GULP1: variants seen among roughly 807,000 people sequenced by gnomAD.
GULP1 encodes PTB domain-containing engulfment adapter protein 1.
In GULP1, 19 loss-of-function variants were observed where a neutral mutation model predicts 40.9. The observed-to-expected ratio is 0.46, with a 90% confidence interval of 0.32 to 0.68. The LOEUF is 0.68. Among genes scored for constraint, GULP1 ranks in the 30% least tolerant of loss-of-function variants. GULP1 has a pLI of 0.03. For missense variants in GULP1, 312 were observed against 362.2 expected, an observed-to-expected ratio of 0.86 and a Z score of 1.12; for synonymous variants, 119 against 117.6, an observed-to-expected ratio of 1.01 and a Z score of -0.08.
At chr2:188,375,915 C>A (rs917725645) in intron 1 of GULP1, among the ~76,000 whole-genome samples, 6 of 152,040 alleles carry the variant, frequency 3.9e-5, no homozygotes, top group Non-Finnish European at 1.5e-5. Context: ...GGGCCACCAG[C>A]AGATACCAAA....
intron 4 of GULP1, among the ~76,000 whole-genome samples, chr2:188,506,480 C>T (rs995998351): frequency 6.6e-6 from 1 of 151,856 alleles, no homozygotes; most frequent in Non-Finnish European, 1.5e-5. Context: ...TTTTAGTTCT[C>T]CCACTTGAAT....
chr2:188,578,678 T>C (rs561190347), intron 9 of GULP1, among the ~76,000 whole-genome samples: 1 of 152,144 alleles, frequency 6.6e-6, no homozygotes, highest in South Asian at 2.1e-4. Context: ...TTCCCCTAAG[T>C]ATAATAATTC....
intron 4 of GULP1, among the ~76,000 whole-genome samples, chr2:188,517,142 ATTG>A (rs1402645397): frequency 6.6e-6 from 1 of 152,042 alleles, no homozygotes; most frequent in Non-Finnish European, 1.5e-5. Context: ...AACAGATAAT[ATTG>A]TATGTTTTTA....
chr2:188,540,376 A>T (rs978587141), intron 6 of GULP1, among the ~76,000 whole-genome samples: 2 of 151,778 alleles, frequency 1.3e-5, no homozygotes, highest in African/African-American at 2.4e-5. Context: ...TTTATTTTAT[A>T]TAAATATTTT....
chr2:188,439,183 A>G (rs1245332953), intron 2 of GULP1, among the ~76,000 whole-genome samples: 3 of 152,054 alleles, frequency 2.0e-5, no homozygotes, highest in Admixed American at 1.3e-4. Context: ...AAGTAAATTC[A>G]GAGAAAGTAA....
At chr2:188,473,149 C>T (rs2060728144) in intron 2 of GULP1, among the ~76,000 whole-genome samples, 2 of 146,254 alleles carry the variant, frequency 1.4e-5, no homozygotes, top group Admixed American at 1.3e-4. Flanking sequence ...CAAATGGGGT[C>T]TCTCTTTCTC....
rs900213748 is a variant in GULP1 at position 188,442,930 on chromosome 2, C to T, written c.-44-34729C>T. Among the ~76,000 whole-genome samples the T allele has an allele frequency of 2.0e-5, 3 of 152,050 alleles. No individual in the cohort carries two copies. In the East Asian group the frequency reaches 5.8e-4, roughly 29 times the overall value. On this transcript the variant is annotated intron_variant, in intron 2 of 11. Coordinates refer to ENST00000409830, the MANE Select transcript of GULP1 (RefSeq NM_016315.4). ...AACAGCCTGTCTATCAGCTTTGTAC[C>T]AGAGAGGAGTTATCAAGGAAACAAA...
intron 1 of GULP1, chr2:188,293,251 A>T (rs368033880): frequency 2.6e-4 from 40 of 152,212 alleles, no homozygotes; most frequent in African/African-American, 8.7e-4. Context: ...AGCTCGCCTT[A>T]CTCATTTGCA....
rs536461887 is a variant in GULP1, at chr2:188,585,849, C to G, written c.748+1446C>G. ...AGCTCCTTTTTACTTATGCAAATTT[C>G]TGCAAGAGGCTTGAATTTCTCCTCA... On this transcript the variant is annotated intron_variant, in intron 10 of 11. Transcript: ENST00000409830. 1.1e-3 allele frequency among the ~76,000 whole-genome samples: 171 copies of G among 152,330 alleles called. 1 individual carries two copies. The highest frequency in any genetic ancestry group is 4.0e-3 in the African/African-American group (168 of 41,586).
intron 2 of GULP1, among the ~76,000 whole-genome samples, chr2:188,467,447 A>T (rs1315267610): frequency 6.6e-6 from 1 of 152,006 alleles, no homozygotes; most frequent in South Asian, 2.1e-4. Flanking sequence ...GTTTTTCTCT[A>T]TGGTAATCTC....
chr2:188,515,230 A>C (rs2065053634), intron 4 of GULP1, among the ~76,000 whole-genome samples: 3 of 152,128 alleles, frequency 2.0e-5, no homozygotes, highest in South Asian at 2.1e-4. Context: ...AGGAGTATTA[A>C]TGTCTCACTT....
At chr2:188,534,018 T>A (rs1688261200) in intron 6 of GULP1, among the ~76,000 whole-genome samples, 1 of 152,220 alleles carries the variant, frequency 6.6e-6, no homozygotes, top group African/African-American at 2.4e-5. Context: ...AGAATGCTTA[T>A]ACACTGTTGG....
At chr2:188,570,791 A>G (rs1161634162) in intron 9 of GULP1, among the ~76,000 whole-genome samples, 4 of 152,106 alleles carry the variant, frequency 2.6e-5, no homozygotes, top group African/African-American at 9.7e-5. Context: ...AGGAAAAGAT[A>G]TTTTTCTGTT....
chr2:188,352,382 A>G (rs1379776310), intron 1 of GULP1, among the ~76,000 whole-genome samples: 1 of 151,966 alleles, frequency 6.6e-6, no homozygotes, highest in African/African-American at 2.4e-5. Flanking sequence ...CTTACTGGCT[A>G]TTCTTGGATC....
intron 6 of GULP1, among the ~76,000 whole-genome samples, chr2:188,534,069 G>C (rs896773880): frequency 2.6e-5 from 4 of 152,200 alleles, no homozygotes; most frequent in Non-Finnish European, 4.4e-5. Flanking sequence ...AGAGCAGTTG[G>C]AGATTTCTCA....
intron 1 of GULP1, among the ~76,000 whole-genome samples, chr2:188,328,134 C>G (rs1327074396): frequency 1.3e-5 from 2 of 152,114 alleles, no homozygotes; most frequent in African/African-American, 4.8e-5. Flanking sequence ...AATAACATAT[C>G]TGATTACCTT....
chr2:188,323,030 CA>C (rs897260920), intron 1 of GULP1, among the ~76,000 whole-genome samples: 9 of 152,082 alleles, frequency 5.9e-5, no homozygotes, highest in African/African-American at 1.9e-4. Context: ...ACAATCACTG[CA>C]TCCTTAGGAG....
intron 1 of GULP1, among the ~76,000 whole-genome samples, chr2:188,295,803 G>A (rs959296901): frequency 6.6e-6 from 1 of 151,994 alleles, no homozygotes; most frequent in African/African-American, 2.4e-5. Flanking sequence ...TACACTATGG[G>A]TATCCTTGAA....
chr2:188,309,661 G>A (rs2037736597), intron 1 of GULP1, among the ~76,000 whole-genome samples: 1 of 152,066 alleles, frequency 6.6e-6, no homozygotes, highest in Non-Finnish European at 1.5e-5. Context: ...CTTGTCTGTA[G>A]CTTAAGACAT....
Sources: gnomAD v4.1 joint callset for allele counts (sites outside exome capture counted in the v4.1 genomes callset) on GRCh38, gnomAD v4.1.1 for gene constraint, MANE v1.5 for transcripts, NCBI Gene and HGNC (gene_info 2026-07-23, HGNC 2026-07-21) for gene names.